FARS2: variants seen among roughly 807,000 people sequenced by gnomAD.
The protein encoded by FARS2 is phenylalanine--tRNA ligase, mitochondrial.
A neutral mutation model predicts 46.4 loss-of-function variants in FARS2; 40 were observed. The ratio of observed to expected loss-of-function variants is 0.86; its 90% CI spans 0.67 to 1.12. The LOEUF is 1.12. Ranked by LOEUF, FARS2 falls within the 50% of genes most tolerant of loss-of-function variation. The pLI is 0.00. For missense variants in FARS2, 513 were observed against 567.9 expected (o/e 0.90, Z 0.98); for synonymous variants, 234 against 214.9 (o/e 1.09, Z -0.78).
rs73367032 is a variant in FARS2 at position 5,342,998 on chromosome 6, C to T, written c.-21-25552C>T. On this transcript the variant is annotated intron_variant, in intron 1 of 6. Coordinates refer to ENST00000274680, the MANE Select transcript of FARS2 (RefSeq NM_006567.5). ...ATACAGCTTACTACAGGCCCGTCAT[C>T]GACAGAAGGCAGCTAGTGCCTTACA... Among the ~76,000 whole-genome samples the T allele has an allele frequency of 9.0e-3, 1,369 of 152,202 alleles. 26 individuals carry two copies. The highest frequency in any genetic ancestry group is 0.031 in the African/African-American group (1,278 of 41,512).
chr6:5,398,861 C>T (rs1325452781), intron 2 of FARS2, among the ~76,000 whole-genome samples: 2 of 152,050 alleles, frequency 1.3e-5, no homozygotes, highest in Admixed American at 1.3e-4. Context: ...CTTGTTCAGT[C>T]CTGGAATGAA....
chr6:5,602,886 T>G (rs1057071908), intron 5 of FARS2, among the ~76,000 whole-genome samples: 1 of 152,268 alleles, frequency 6.6e-6, no homozygotes, highest in East Asian at 1.9e-4. Context: ...TGTTGAACTC[T>G]CCAAATCAGT....
At chr6:5,693,460 G>A (rs1389020349) in intron 6 of FARS2, among the ~76,000 whole-genome samples, 1 of 152,166 alleles carries the variant, frequency 6.6e-6, no homozygotes, top group Non-Finnish European at 1.5e-5. Context: ...TGGGCAAGGC[G>A]GCTAATGCGT....
At chr6:5,431,239 G>T (rs1294049103) in intron 4 of FARS2, 67 bp downstream of exon 4, 1 of 1,517,576 alleles carries the variant, frequency 6.6e-7, no homozygotes, top group East Asian at 2.3e-5. Context: ...AGGCAGCCCC[G>T]TTGCACACTT....
At chr6:5,654,320 A>G (rs867677720) in intron 6 of FARS2, among the ~76,000 whole-genome samples, 3 of 152,146 alleles carry the variant, frequency 2.0e-5, no homozygotes, top group South Asian at 2.1e-4. Context: ...CTCTTCTCCA[A>G]TTATCTCTGT....
intron 6 of FARS2, among the ~76,000 whole-genome samples, chr6:5,652,589 G>A (rs1777421152): frequency 6.6e-6 from 1 of 152,224 alleles, no homozygotes; most frequent in South Asian, 2.1e-4. Flanking sequence ...AGAATGGCCC[G>A]ACTGCCCTTC....
At chr6:5,289,928 T>C (rs1254833184) in intron 1 of FARS2, among the ~76,000 whole-genome samples, 1 of 152,182 alleles carries the variant, frequency 6.6e-6, no homozygotes, top group Non-Finnish European at 1.5e-5. Context: ...TTCTCCTGCC[T>C]CAGTTTGAAT....
intron 1 of FARS2, among the ~76,000 whole-genome samples, chr6:5,359,404 G>C (rs1758161277): frequency 6.6e-6 from 1 of 152,144 alleles, no homozygotes; most frequent in African/African-American, 2.4e-5. Context: ...TTTTAGAATT[G>C]CTTCCCTCAC....
chr6:5,361,560 T>A (rs778696060), intron 1 of FARS2, among the ~76,000 whole-genome samples: 5 of 152,242 alleles, frequency 3.3e-5, no homozygotes, highest in Non-Finnish European at 5.9e-5. Flanking sequence ...AGCCCTTCTC[T>A]TTTTGTTCAT....
intron 6 of FARS2, among the ~76,000 whole-genome samples, chr6:5,627,483 A>G (rs1776092583): frequency 6.6e-6 from 1 of 152,252 alleles, no homozygotes; most frequent in African/African-American, 2.4e-5. Context: ...GAATTCATTC[A>G]ATATGCTAAT....
At chr6:5,523,558 G>C (rs1769277407) in intron 4 of FARS2, among the ~76,000 whole-genome samples, 1 of 152,158 alleles carries the variant, frequency 6.6e-6, no homozygotes, top group Non-Finnish European at 1.5e-5. Context: ...TCTGTATTCA[G>C]TGGTATGCCT....
chr6:5,321,817 A>G (rs1289658568), intron 1 of FARS2, among the ~76,000 whole-genome samples: 1 of 152,234 alleles, frequency 6.6e-6, no homozygotes, highest in Admixed American at 6.5e-5. Context: ...GAAGTCAAGT[A>G]GCCGTTTCCC....
intron 4 of FARS2, among the ~76,000 whole-genome samples, chr6:5,500,943 A>AGG (rs2150380736): frequency 1.7e-5 from 1 of 60,538 alleles, no homozygotes; most frequent in East Asian, 3.3e-4. Context: ...CGAGAGAGAG[A>AGG]GAGAGAGAGA....
At chr6:5,416,646 GA>G (rs1378657864) in intron 3 of FARS2, among the ~76,000 whole-genome samples, 1 of 152,090 alleles carries the variant, frequency 6.6e-6, no homozygotes, top group Non-Finnish European at 1.5e-5. Context: ...TTGTTGGATT[GA>G]AATGATCATT....
chr6:5,418,498 TC>T (rs1392906656), intron 3 of FARS2, among the ~76,000 whole-genome samples: 1 of 152,226 alleles, frequency 6.6e-6, no homozygotes, highest in African/African-American at 2.4e-5. Context: ...TATGAGGTTT[TC>T]CCCTTGGCTG....
intron 6 of FARS2, among the ~76,000 whole-genome samples, chr6:5,617,010 T>A (rs962011310): frequency 1.3e-5 from 2 of 151,986 alleles, no homozygotes; most frequent in African/African-American, 4.8e-5. Context: ...TTGGTAGTGT[T>A]CAAGGGGAAT....
At chr6:5,591,415 G>C (rs1452615177) in intron 5 of FARS2, among the ~76,000 whole-genome samples, 2 of 152,194 alleles carry the variant, frequency 1.3e-5, no homozygotes, top group African/African-American at 4.8e-5. Context: ...GCACAGCTGT[G>C]ACCACTCTGT....
chr6:5,526,662 A>C (rs999600383), intron 4 of FARS2, among the ~76,000 whole-genome samples: 28 of 151,784 alleles, frequency 1.8e-4, no homozygotes, highest in African/African-American at 6.8e-4. Context: ...CTTGTTGCCC[A>C]GTGGAGTGAA....
At chr6:5,268,208 A>G (rs1175285511) in intron 1 of FARS2, among the ~76,000 whole-genome samples, 2 of 151,362 alleles carry the variant, frequency 1.3e-5, no homozygotes, top group African/African-American at 2.4e-5. Flanking sequence ...CTTTAGTTTA[A>G]TTAGATCCCA....
Sources: gnomAD v4.1 joint callset for allele counts (sites outside exome capture counted in the v4.1 genomes callset) on GRCh38, gnomAD v4.1.1 for gene constraint, MANE v1.5 for transcripts, NCBI Gene and HGNC (gene_info 2026-07-23, HGNC 2026-07-21) for gene names.